The following SLC1A1 variants were observed in gnomAD, a reference collection of about 807,000 sequenced individuals.
The protein encoded by SLC1A1 is excitatory amino acid transporter 3.
Under a neutral mutation model 53.3 loss-of-function variants are expected in SLC1A1, and 43 were observed. That is an observed-to-expected ratio of 0.81 (90% CI 0.63 to 1.04). The LOEUF is 1.04. Among genes scored for constraint, SLC1A1 ranks in the 50% least tolerant of loss-of-function variants. SLC1A1 has a pLI of 0.00. For missense variants in SLC1A1, 748 were observed against 664.9 expected, an observed-to-expected ratio of 1.12 and a Z score of -1.37; for synonymous variants, 307 against 243.2, an observed-to-expected ratio of 1.26 and a Z score of -2.44.
At chr9:4,548,316 A>G (rs1817651684) in intron 2 of SLC1A1, among the ~76,000 whole-genome samples, 2 of 152,214 alleles carry the variant, frequency 1.3e-5, no homozygotes, top group African/African-American at 2.4e-5. Flanking sequence ...AAATGCCCTC[A>G]TGAATCCAGC....
At chr9:4,536,217 T>G (rs1212615623) in intron 1 of SLC1A1, among the ~76,000 whole-genome samples, 1 of 152,062 alleles carries the variant, frequency 6.6e-6, no homozygotes, top group Non-Finnish European at 1.5e-5. Flanking sequence ...ACCAAAGAGC[T>G]TCTGCACAGC....
chr9:4,554,087 G>C (rs1818165615), intron 2 of SLC1A1: 1 of 152,208 alleles, frequency 6.6e-6, no homozygotes, highest in South Asian at 2.1e-4. Flanking sequence ...CATCAAGTAG[G>C]TGGGACCTTA....
At chr9:4,554,547 G>A (rs1329964517) in intron 2 of SLC1A1, among the ~76,000 whole-genome samples, 2 of 152,194 alleles carry the variant, frequency 1.3e-5, no homozygotes, top group Non-Finnish European at 2.9e-5. Context: ...TGAAGAGTGA[G>A]GAAGAGCACT....
intron 1 of SLC1A1, among the ~76,000 whole-genome samples, chr9:4,535,863 A>T (rs2130862127): frequency 6.6e-6 from 1 of 152,326 alleles, no homozygotes; most frequent in Admixed American, 6.5e-5. Flanking sequence ...AAACAGAGAT[A>T]TAGACCAATG....
intron 1 of SLC1A1, among the ~76,000 whole-genome samples, chr9:4,525,996 T>C (rs1252765034): frequency 6.6e-6 from 1 of 152,100 alleles, no homozygotes; most frequent in Non-Finnish European, 1.5e-5. Flanking sequence ...AAATGTCTTA[T>C]ATGCATATAC....
At chr9:4,560,615 AT>A (rs1469245449) in intron 2 of SLC1A1, among the ~76,000 whole-genome samples, 1 of 151,956 alleles carries the variant, frequency 6.6e-6, no homozygotes, top group Non-Finnish European at 1.5e-5. Context: ...TATAAACATT[AT>A]TTTTTCCAGT....
intron 4 of SLC1A1, among the ~76,000 whole-genome samples, chr9:4,565,377 C>T (rs1471677187): frequency 1.3e-5 from 2 of 152,144 alleles, no homozygotes; most frequent in Admixed American, 6.5e-5. Flanking sequence ...TAAAGAACTA[C>T]CTGGGACTGG....
At chr9:4,546,613 G>A (rs778855130) in intron 2 of SLC1A1, among the ~76,000 whole-genome samples, 34 of 152,152 alleles carry the variant, frequency 2.2e-4, no homozygotes, top group African/African-American at 9.7e-5. Flanking sequence ...CCTGGCCGCC[G>A]TAAGGATGGC....
chr9:4,551,646 T>G (rs887864687), intron 2 of SLC1A1, among the ~76,000 whole-genome samples: 3 of 152,222 alleles, frequency 2.0e-5, no homozygotes, highest in African/African-American at 7.2e-5. Flanking sequence ...CAGTTTAGTT[T>G]CTATGAAAAT....
At chr9:4,567,275 T>C (rs1266549368) in intron 5 of SLC1A1, among the ~76,000 whole-genome samples, 1 of 152,214 alleles carries the variant, frequency 6.6e-6, no homozygotes, top group East Asian at 1.9e-4. Context: ...TGAAGTGTGT[T>C]TGCTCAGATT....
At chr9:4,580,803 G>A (rs1017257554) in intron 10 of SLC1A1, among the ~76,000 whole-genome samples, 2 of 152,106 alleles carry the variant, frequency 1.3e-5, no homozygotes, top group Non-Finnish European at 1.5e-5. Context: ...AATACCAGTG[G>A]CAGCAGCGAC....
At chr9:4,571,549 T>C (rs1820052017) in intron 6 of SLC1A1, among the ~76,000 whole-genome samples, 1 of 152,056 alleles carries the variant, frequency 6.6e-6, no homozygotes, top group South Asian at 2.1e-4. Flanking sequence ...TGGGGGCGGA[T>C]GCCTGTAATC....
At chr9:4,544,982 G>A (rs966203881) in intron 2 of SLC1A1, among the ~76,000 whole-genome samples, 3 of 152,116 alleles carry the variant, frequency 2.0e-5, no homozygotes, top group Non-Finnish European at 4.4e-5. Context: ...TCACTATCAC[G>A]AGAACAGCAT....
At chr9:4,544,321 C>G (rs184831096) in intron 1 of SLC1A1, among the ~76,000 whole-genome samples, 1 of 152,118 alleles carries the variant, frequency 6.6e-6, no homozygotes, top group African/African-American at 2.4e-5. Flanking sequence ...TAATTGATAG[C>G]GAAGAAATGA....
At position 4,576,621 on chromosome 9, in the gene SLC1A1, G is replaced by A; in HGVS notation, c.1051G>A (p.Asp351Asn). The A allele has an allele frequency of 6.2e-7, 1 of 1,614,150 alleles. No individual in the cohort carries two copies. Among genetic ancestry groups the A allele is most frequent in the Non-Finnish European group, 8.5e-7 (1 of 1,180,018 alleles). ...CTGTGCTGAAGAAAATAACCAGGTG[G>A]ACAAGAGGATCACTCGATTCGTGTT... ...FRCAEENNQV[D>N]KRITRFVLPV... is the part of the protein sequence containing the mutation. Residue 351 changes from aspartate (D) to asparagine (N), a missense_variant, in exon 10 of 12, where the codon GAC becomes AAC. Asp to Asn is a conservative substitution (Grantham distance 23). Coordinates refer to ENST00000262352, the MANE Select transcript of SLC1A1 (RefSeq NM_004170.6).
intron 1 of SLC1A1, among the ~76,000 whole-genome samples, chr9:4,530,105 T>G (rs75539923): frequency 0.024 from 3,703 of 152,254 alleles, 157 homozygotes; most frequent in African/African-American, 0.086. Flanking sequence ...CCCTTATTTT[T>G]CTCTTATTTT....
chr9:4,576,888 T>A, intron 10 of SLC1A1, 125 bp downstream of exon 10: 1 of 919,932 alleles, frequency 1.1e-6, no homozygotes, highest in Non-Finnish European at 1.8e-6. Context: ...ATAAAGTCCC[T>A]TCCCAAGATT....
At chr9:4,515,898 G>A (rs963645134) in intron 1 of SLC1A1, among the ~76,000 whole-genome samples, 3 of 152,166 alleles carry the variant, frequency 2.0e-5, no homozygotes, top group African/African-American at 7.2e-5. Flanking sequence ...TATGGGACAA[G>A]GCACTAGATC....
At chr9:4,551,884 G>A (rs1456287451) in intron 2 of SLC1A1, among the ~76,000 whole-genome samples, 1 of 152,072 alleles carries the variant, frequency 6.6e-6, no homozygotes, top group East Asian at 1.9e-4. Context: ...TTTGATTTCT[G>A]AAATGCCTGG....
Sources: allele counts gnomAD v4.1 joint callset (sites outside exome capture counted in the v4.1 genomes callset), GRCh38; gene constraint gnomAD v4.1.1; transcripts MANE v1.5; gene names NCBI Gene and HGNC (gene_info 2026-07-23, HGNC 2026-07-21).